SPINK5: variants seen among roughly 807,000 people sequenced by gnomAD.
SPINK5 encodes serine protease inhibitor Kazal-type 5.
A neutral mutation model predicts 151.8 loss-of-function variants in SPINK5; 125 were observed. That is an observed-to-expected ratio of 0.82 (90% CI 0.71 to 0.96). The LOEUF is 0.96. SPINK5 is among the 40% of genes least tolerant of loss of function. The probability of loss-of-function intolerance (pLI) is 0.00; values close to 1 mark genes in which losing one functional copy is unlikely to be tolerated. For synonymous variants in SPINK5, 374 were observed against 395.3 expected (o/e 0.95, Z 0.64); for missense variants, 1,194 against 1,291.9 (o/e 0.92, Z 1.16).
chr5:148,084,034 ATTTG>A (rs1753090575), intron 4 of SPINK5, among the ~76,000 whole-genome samples: 1 of 151,706 alleles, frequency 6.6e-6, no homozygotes, highest in Non-Finnish European at 1.5e-5. Context: ...ATTGTTTTAC[ATTTG>A]TTTATGCAGA....
Position 148,072,229 on chromosome 5 carries a change from A to G in SPINK5, c.282+9A>G, listed in dbSNP as rs1280381742. On this transcript the variant is annotated intron_variant, in intron 4 of 32. Transcript: ENST00000256084. ...CTACTGCCCCAACAGAGGTGAGACT[A>G]TTTGGAGCCAACCTGTTTACTTTTG... The G allele has an allele frequency of 1.9e-6, 3 of 1,611,412 alleles. No homozygotes were observed. Among genetic ancestry groups the G allele is most frequent in the Non-Finnish European group, 2.5e-6 (3 of 1,178,034 alleles).
At position 148,120,005 on chromosome 5, in the gene SPINK5, T is replaced by A. The variant is rs976464559; in HGVS notation, c.2314-4T>A. On this transcript the variant is annotated splice_region_variant and splice_polypyrimidine_tract_variant and intron_variant, in intron 24 of 32. Transcript: ENST00000256084. ...CTTCCAATATAATCTTCCCATCTTT[T>A]CAGGATACATGTGATGAGTTTAGAA... 1 of 1,613,814 alleles carries A rather than the reference T, an allele frequency of 6.2e-7. No homozygotes were observed. The highest frequency in any genetic ancestry group is 1.7e-5 in the Admixed American group (1 of 59,996).
intron 26 of SPINK5, among the ~76,000 whole-genome samples, chr5:148,123,437 C>CTATATATA (rs1318085178): frequency 7.1e-4 from 62 of 86,954 alleles, no homozygotes; most frequent in African/African-American, 2.8e-3. Context: ...TATATATTAT[C>CTATATATA]TATCTATCTA....
chr5:148,132,456 G>A (rs1050553697), intron 31 of SPINK5, among the ~76,000 whole-genome samples: 1 of 152,068 alleles, frequency 6.6e-6, no homozygotes, highest in African/African-American at 2.4e-5. Flanking sequence ...GGTATGGTAT[G>A]GTAGGTATAC....
Position 148,124,779 on chromosome 5 carries a change from A to G in SPINK5, c.2681A>G (p.Asn894Ser), listed in dbSNP as rs1481494397. The G allele has an allele frequency of 6.2e-7, 1 of 1,606,840 alleles. No individual in the cohort carries two copies. Among genetic ancestry groups the G allele is most frequent in the Non-Finnish European group, 8.5e-7 (1 of 1,176,408 alleles). Residue 894 changes from asparagine to serine, a missense_variant, in exon 28 of 33, where the codon AAT (asparagine) becomes AGT (serine). Coordinates refer to ENST00000256084, the MANE Select transcript of SPINK5 (RefSeq NM_006846.4). Reference sequence around the variant, plus strand: ...TTATTCTGCAGTGATCGAGAAGCTAATGAAAGAAAAAAGAAAGATGAAGAG... The same window carrying G: ...TTATTCTGCAGTGATCGAGAAGCTAGTGAAAGAAAAAAGAAAGATGAAGAG... ...MCQSIFDREA[N>S]ERKKKDEEKS... is the part of the protein sequence containing the mutation.
intron 20 of SPINK5, among the ~76,000 whole-genome samples, chr5:148,113,926 A>C (rs1285224201): frequency 1.3e-5 from 2 of 152,200 alleles, no homozygotes; most frequent in Non-Finnish European, 2.9e-5. Flanking sequence ...CTTTAAGCAG[A>C]GCTAGGAGAA....
At chr5:148,088,630 G>A (rs768517498) in intron 6 of SPINK5, 25 bp downstream of exon 6, 9 of 1,607,048 alleles carry the variant, frequency 5.6e-6, no homozygotes, top group African/African-American at 1.3e-5. Context: ...CAGCCTGATG[G>A]GAAATACTGG....
Position 148,127,010 on chromosome 5 carries a change from G to A in SPINK5, c.2895G>A (p.Lys965=), listed in dbSNP as rs34966234. The A allele has an allele frequency of 1.3e-3, 2,023 of 1,613,540 alleles. 28 individuals are homozygous for A. The African/African-American group carries it at 0.023, about 18-fold the overall frequency. ...VFLTEALERA[K]LQEKPSHVRA... ...TAACAGAAGCTTTGGAAAGGGCAAA[G>A]CTTCAAGAAAAGCCATCCCATGTTA... The change falls in exon 30 of 33, where the codon AAG becomes AAA. Residue 965 remains lysine (K), a synonymous_variant. Coordinates refer to ENST00000256084, the MANE Select transcript of SPINK5 (RefSeq NM_006846.4).
Position 148,099,284 on chromosome 5 carries a change from A to G in SPINK5, c.1061A>G (p.Lys354Arg), listed in dbSNP as rs1164760968. Residue 354 changes from lysine (K) to arginine (R), a missense_variant, in exon 12 of 33, where the codon AAA (lysine) becomes AGA (arginine). Lys to Arg is a conservative substitution (Grantham distance 26). Coordinates refer to ENST00000256084, the MANE Select transcript of SPINK5 (RefSeq NM_006846.4). The stretch of plus-strand genomic sequence containing the variant: ...AAGGCTGAAGCACGAGCTAGAAACA[A>G]AAGAGAATCTGGAAAAGCAACCTCA... ...KKKAEARARNKRESGKATSYA... is the reference protein window; with the variant it reads ...KKKAEARARNRRESGKATSYA... 55 of 1,612,432 alleles carry G rather than the reference A, an allele frequency of 3.4e-5. No homozygotes were observed. The highest frequency in any genetic ancestry group is 4.7e-5 in the Non-Finnish European group (55 of 1,179,154).
chr5:148,123,684 AAAG>A, intron 26 of SPINK5, 146 bp from the exon 27 acceptor site: 1 of 1,080,182 alleles, frequency 9.3e-7, no homozygotes, highest in Non-Finnish European at 1.4e-6. Flanking sequence ...GAGATTGAAT[AAAG>A]TGCCTTTAAA....
chr5:148,081,553 T>C (rs1753020440), intron 4 of SPINK5, among the ~76,000 whole-genome samples: 1 of 151,260 alleles, frequency 6.6e-6, no homozygotes, highest in South Asian at 2.1e-4. Flanking sequence ...ATATGAAATG[T>C]CCAAAAAGGG....
intron 4 of SPINK5, among the ~76,000 whole-genome samples, chr5:148,082,310 T>A (rs1325151973): frequency 1.3e-5 from 2 of 151,242 alleles, no homozygotes; most frequent in African/African-American, 4.8e-5. Context: ...TTAAAAAATT[T>A]ATGACAAATA....
At chr5:148,132,901 A>C (rs1449216909) in intron 31 of SPINK5, among the ~76,000 whole-genome samples, 1 of 152,188 alleles carries the variant, frequency 6.6e-6, no homozygotes, top group Non-Finnish European at 1.5e-5. Flanking sequence ...CGTTTAAGGA[A>C]TAAATATAAC....
chr5:148,123,406 AT>A (rs1754327937), intron 26 of SPINK5, among the ~76,000 whole-genome samples: 1 of 94,384 alleles, frequency 1.1e-5, no homozygotes, highest in Non-Finnish European at 2.3e-5. Context: ...ATAGATAGAT[AT>A]AATATATTAT....
rs1416108420 is a variant in SPINK5, at chr5:148,072,208, T to TGCC, written c.271_273dup (p.Ala91dup). ...ATTTAGCAAGAGCTCCCAAGGCTAC[T>TGCC]GCCCCAACAGAGGTGAGACTATTTG... On this transcript the variant is annotated inframe_insertion, in exon 4 of 33. Coordinates refer to ENST00000256084, the MANE Select transcript of SPINK5 (RefSeq NM_006846.4). 7 of 1,612,142 alleles carry TGCC rather than the reference T, an allele frequency of 4.3e-6. No individual in the cohort carries two copies. Among genetic ancestry groups the TGCC allele is most frequent in the Non-Finnish European group, 5.9e-6 (7 of 1,178,670 alleles).
intron 30 of SPINK5, among the ~76,000 whole-genome samples, chr5:148,129,946 C>T (rs541396309): frequency 6.6e-6 from 1 of 152,038 alleles, no homozygotes; most frequent in South Asian, 2.1e-4. Context: ...ATAGTGATGA[C>T]CTGTTATCTC....
intron 30 of SPINK5, among the ~76,000 whole-genome samples, chr5:148,128,211 T>G (rs1754482297): frequency 1.1e-5 from 1 of 95,140 alleles, no homozygotes; most frequent in Non-Finnish European, 2.0e-5. Flanking sequence ...GAAGAGCTAT[T>G]AACAAAATAT....
At position 148,099,262 on chromosome 5, in the gene SPINK5, G is replaced by T. The variant is rs1336825417; in HGVS notation, c.1039G>T (p.Ala347Ser). The T allele has an allele frequency of 6.2e-7, 1 of 1,611,830 alleles. No individual in the cohort carries two copies. Residue 347 changes from alanine to serine, a missense_variant, in exon 12 of 33, where the codon GCT (alanine) becomes TCT (serine). Physicochemically the swap from Ala to Ser is moderately conservative, Grantham distance 99. Transcript: ENST00000256084. ...AGCAGAAAATGAAGAAAAGAAAAAG[G>T]CTGAAGCACGAGCTAGAAACAAAAG... Reference protein sequence around the residue: ...FQAENEEKKKAEARARNKRES... With the variant: ...FQAENEEKKKSEARARNKRES...
intron 14 of SPINK5, 102 bp from the exon 15 acceptor site, chr5:148,101,679 T>C: frequency 1.3e-6 from 2 of 1,557,598 alleles, no homozygotes; most frequent in Non-Finnish European, 8.8e-7. Context: ...AATAAGCCAA[T>C]TGCTAATCCT....
Sources: gnomAD v4.1 joint callset for allele counts (sites outside exome capture counted in the v4.1 genomes callset) on GRCh38, gnomAD v4.1.1 for gene constraint, MANE v1.5 for transcripts, NCBI Gene and HGNC (gene_info 2026-07-23, HGNC 2026-07-21) for gene names.